COMMD10: variants seen among roughly 807,000 people sequenced by gnomAD.
COMMD10 encodes COMM domain-containing protein 10.
Under a neutral mutation model 28.9 loss-of-function variants are expected in COMMD10, and 33 were observed. That is an observed-to-expected ratio of 1.14 (90% CI 0.87 to 1.53). The LOEUF (loss-of-function observed/expected upper bound fraction) is 1.53, where lower values mean the gene tolerates loss of function less well. Ranked by LOEUF, COMMD10 falls within the 40% of genes most tolerant of loss-of-function variation. COMMD10 has a pLI of 0.00. For missense variants in COMMD10, 310 were observed against 233.4 expected, an observed-to-expected ratio of 1.33 and a Z score of -2.14; for synonymous variants, 110 against 81.7, an observed-to-expected ratio of 1.35 and a Z score of -1.87.
chr5:116,172,574 C>G (rs957801991), intron 5 of COMMD10, among the ~76,000 whole-genome samples: 1 of 152,042 alleles, frequency 6.6e-6, no homozygotes, highest in African/African-American at 2.4e-5. Flanking sequence ...TTCTTCAGTC[C>G]TACAGAGTTT....
intron 5 of COMMD10, among the ~76,000 whole-genome samples, chr5:116,256,449 C>A (rs923079472): frequency 1.3e-5 from 2 of 151,668 alleles, no homozygotes; most frequent in East Asian, 1.9e-4. Context: ...GTAGAAATTA[C>A]CTTTCCCTTT....
intron 5 of COMMD10, among the ~76,000 whole-genome samples, chr5:116,210,940 A>G (rs757356967): frequency 2.0e-5 from 3 of 152,138 alleles, no homozygotes; most frequent in Non-Finnish European, 4.4e-5. Context: ...AATAATACAT[A>G]GTTACAAGAA....
chr5:116,287,028 T>C (rs894764544), intron 5 of COMMD10, among the ~76,000 whole-genome samples: 1 of 151,878 alleles, frequency 6.6e-6, no homozygotes, highest in Non-Finnish European at 1.5e-5. Flanking sequence ...TTTAGATTCA[T>C]GTAAATACAG....
intron 4 of COMMD10, among the ~76,000 whole-genome samples, chr5:116,094,807 T>G (rs531909858): frequency 9.2e-5 from 14 of 152,330 alleles, no homozygotes; most frequent in South Asian, 6.2e-4. Flanking sequence ...AAAGGGAATT[T>G]GGTATAATTA....
intron 5 of COMMD10, among the ~76,000 whole-genome samples, chr5:116,257,261 T>A (rs983582515): frequency 6.6e-6 from 1 of 151,642 alleles, no homozygotes; most frequent in Non-Finnish European, 1.5e-5. Flanking sequence ...TTTCAGATGT[T>A]GGAGCATTTC....
At chr5:116,087,629 G>C (rs1447732609) in intron 2 of COMMD10, 42 bp downstream of exon 2, 1 of 1,319,282 alleles carries the variant, frequency 7.6e-7, no homozygotes. Flanking sequence ...TCTTCCTTCT[G>C]ATTTAATTGA....
chr5:116,166,826 A>G (rs1753114493), intron 5 of COMMD10, among the ~76,000 whole-genome samples: 1 of 152,136 alleles, frequency 6.6e-6, no homozygotes, highest in Admixed American at 6.5e-5. Flanking sequence ...CATCCACACA[A>G]AAACCCCATC....
intron 5 of COMMD10, among the ~76,000 whole-genome samples, chr5:116,217,085 T>C (rs1749122740): frequency 6.6e-6 from 1 of 152,012 alleles, no homozygotes. Flanking sequence ...TAAAATAATT[T>C]TTAAATTCTA....
chr5:116,147,009 G>T (rs1265736540), intron 5 of COMMD10, among the ~76,000 whole-genome samples: 1 of 151,738 alleles, frequency 6.6e-6, no homozygotes, highest in Admixed American at 6.6e-5. Context: ...TCAGATCCTC[G>T]AGTCTTATAT....
At chr5:116,284,038 G>A (rs971563298) in intron 5 of COMMD10, among the ~76,000 whole-genome samples, 9 of 151,528 alleles carry the variant, frequency 5.9e-5, no homozygotes, top group Non-Finnish European at 1.0e-4. Flanking sequence ...TGAGGCAGGA[G>A]GTTCGTTTAC....
intron 4 of COMMD10, among the ~76,000 whole-genome samples, chr5:116,114,789 C>G (rs1048481295): frequency 6.6e-5 from 10 of 152,142 alleles, no homozygotes; most frequent in African/African-American, 9.7e-5. Flanking sequence ...GGCTTCCTCC[C>G]TTATCCCGAC....
At chr5:116,193,644 T>TA (rs1748431763) in intron 5 of COMMD10, among the ~76,000 whole-genome samples, 1 of 152,014 alleles carries the variant, frequency 6.6e-6, no homozygotes, top group Admixed American at 6.6e-5. Flanking sequence ...CATATGCACC[T>TA]AACACTGGAG....
chr5:116,218,492 GT>G (rs1749161809), intron 5 of COMMD10, among the ~76,000 whole-genome samples: 2 of 152,236 alleles, frequency 1.3e-5, no homozygotes, highest in Non-Finnish European at 2.9e-5. Context: ...GTTAAAAATA[GT>G]TTTTCCTCAC....
intron 5 of COMMD10, among the ~76,000 whole-genome samples, chr5:116,199,835 C>T (rs889501339): frequency 1.3e-5 from 2 of 152,152 alleles, no homozygotes; most frequent in Non-Finnish European, 2.9e-5. Flanking sequence ...TCAAGCAATC[C>T]TCCAGAGTAT....
intron 5 of COMMD10, among the ~76,000 whole-genome samples, chr5:116,164,579 T>C (rs1382231963): frequency 6.6e-6 from 1 of 152,200 alleles, no homozygotes; most frequent in Non-Finnish European, 1.5e-5. Context: ...TTTTAGTAAC[T>C]GTCTATTTTC....
chr5:116,133,954 T>A, intron 4 of COMMD10, 114 bp from the exon 5 acceptor site: 1 of 633,694 alleles, frequency 1.6e-6, no homozygotes, highest in South Asian at 1.9e-5. Flanking sequence ...GGAACTGACT[T>A]TCTGTGAAGC....
chr5:116,163,402 TG>T (rs2112569974), intron 5 of COMMD10, among the ~76,000 whole-genome samples: 1 of 127,782 alleles, frequency 7.8e-6, no homozygotes, highest in African/African-American at 3.4e-5. Context: ...CTGGCCAACA[TG>T]GTGAAACCCC....
intron 5 of COMMD10, among the ~76,000 whole-genome samples, chr5:116,242,220 A>C (rs77355311): frequency 6.6e-6 from 1 of 152,226 alleles, no homozygotes; most frequent in East Asian, 1.9e-4. Flanking sequence ...AAGATTTAGG[A>C]AAAAAAAGTC....
At chr5:116,257,221 A>T (rs4577737) in intron 5 of COMMD10, among the ~76,000 whole-genome samples, 2 of 151,342 alleles carry the variant, frequency 1.3e-5, no homozygotes, top group African/African-American at 4.9e-5. Context: ...GGAATTTTCT[A>T]CTTGTAGTGT....
Sources: gnomAD v4.1 joint callset for allele counts (sites outside exome capture counted in the v4.1 genomes callset) on GRCh38, gnomAD v4.1.1 for gene constraint, MANE v1.5 for transcripts, NCBI Gene and HGNC (gene_info 2026-07-23, HGNC 2026-07-21) for gene names.